The following NLRP4 variants were observed in gnomAD, a reference collection of about 807,000 sequenced individuals.
NLRP4 encodes the protein NLR family pyrin domain containing 4.
A neutral mutation model predicts 84.7 loss-of-function variants in NLRP4; 44 were observed. That is an observed-to-expected ratio of 0.52 (90% CI 0.41 to 0.67). NLRP4 has a LOEUF of 0.67. Among genes scored for constraint, NLRP4 ranks in the 30% least tolerant of loss-of-function variants. The pLI is 0.00. For synonymous variants in NLRP4, 544 were observed against 476.4 expected (o/e 1.14, Z -1.85); for missense variants, 1,260 against 1,219.4 (o/e 1.03, Z -0.50).
chr19:55,846,951 G>A (rs1983820991), intron 1 of NLRP4, among the ~76,000 whole-genome samples: 1 of 151,974 alleles, frequency 6.6e-6, no homozygotes, highest in Admixed American at 6.6e-5. Context: ...TTTTGAGACA[G>A]TCTTGTTCTG....
rs140826806 is a variant in NLRP4, at chr19:55,867,993, C to T, written c.2354+117C>T. 5.4e-4 allele frequency: 481 copies of T among 883,562 alleles called. 1 individual carries two copies. The highest frequency in any genetic ancestry group is 3.8e-3 in the African/African-American group (224 of 59,710). The allele number at this position is 883,562 out of a possible 1,614,324, so 54.7% of individuals were successfully genotyped here. A position where few individuals can be genotyped will look rare whatever the true frequency, so the allele number is the denominator to read the frequency against. On this transcript the variant is annotated intron_variant, in intron 6 of 9. Transcript: ENST00000301295. ...CACATAGCGGAGGTTTAAAAGCTCACGCTTAAGAATCAGAAAAGACTTGAG... is the reference window on the plus strand; with the variant it reads ...CACATAGCGGAGGTTTAAAAGCTCATGCTTAAGAATCAGAAAAGACTTGAG...
intron 7 of NLRP4, among the ~76,000 whole-genome samples, chr19:55,872,622 A>G (rs1042111637): frequency 6.6e-6 from 1 of 152,218 alleles, no homozygotes; most frequent in African/African-American, 2.4e-5. Flanking sequence ...AAAAATTAGT[A>G]AAATGGAAGA....
chr19:55,881,136 CGTGTGTGTGTGT>C (rs56806641), intron 9 of NLRP4, among the ~76,000 whole-genome samples: 3 of 139,584 alleles, frequency 2.1e-5, no homozygotes, highest in African/African-American at 5.3e-5. Flanking sequence ...GTGAGAGCCA[CGTGTGTGTGTGT>C]GTGTGTGTGT....
chr19:55,881,136 CGT>C (rs56806641), intron 9 of NLRP4, among the ~76,000 whole-genome samples: 5,013 of 139,326 alleles, frequency 0.036, 271 homozygotes, highest in African/African-American at 0.12. Flanking sequence ...GTGAGAGCCA[CGT>C]GTGTGTGTGT....
Position 55,837,607 on chromosome 19 carries a change from A to AACACACACCACACACACACACACAC in NLRP4, c.-66+681_-66+682insCACACACACACACACACACACACAC, listed in dbSNP as rs1555805877. ...GGTTGAATTGTGTCCCAACCCTAAAAACACACACACACACACAAAGTCCTA... is the reference window on the plus strand; with the variant it reads ...GGTTGAATTGTGTCCCAACCCTAAAAACACACACCACACACACACACACACACACACACACACACACAAAGTCCTA... On this transcript the variant is annotated intron_variant, in intron 1 of 9. Coordinates refer to ENST00000301295, the MANE Select transcript of NLRP4 (RefSeq NM_134444.5). Among the ~76,000 whole-genome samples the AACACACACCACACACACACACACAC allele has an allele frequency of 7.6e-3, 1,156 of 151,574 alleles. 15 individuals are homozygous for AACACACACCACACACACACACACAC. The highest frequency in any genetic ancestry group is 0.026 in the African/African-American group (1,082 of 41,344).
chr19:55,850,227 T>G (rs867219850), intron 1 of NLRP4, among the ~76,000 whole-genome samples: 88 of 133,088 alleles, frequency 6.6e-4, no homozygotes, highest in Middle Eastern at 3.9e-3. Context: ...GCGGTGTAAT[T>G]TCCGTGGCTG....
chr19:55,868,119 G>A (rs189163321), intron 6 of NLRP4, among the ~76,000 whole-genome samples: 1 of 152,366 alleles, frequency 6.6e-6, no homozygotes, highest in African/African-American at 2.4e-5. Flanking sequence ...TGGCTATCAA[G>A]TGAGACTGTC....
intron 8 of NLRP4, among the ~76,000 whole-genome samples, chr19:55,877,791 A>G (rs892669430): frequency 2.6e-5 from 4 of 152,048 alleles, no homozygotes; most frequent in Admixed American, 2.0e-4. Context: ...ATTTCCTCTT[A>G]TAAGAACACC....
chr19:55,859,943 A>AC (rs1568666200), intron 3 of NLRP4, among the ~76,000 whole-genome samples: 2 of 125,722 alleles, frequency 1.6e-5, no homozygotes, highest in African/African-American at 2.6e-5. Flanking sequence ...AAAAAAAAAA[A>AC]AAAAAAAAAC....
chr19:55,847,827 G>T (rs1432476537), intron 1 of NLRP4, among the ~76,000 whole-genome samples: 1 of 150,670 alleles, frequency 6.6e-6, no homozygotes, highest in Non-Finnish European at 1.5e-5. Flanking sequence ...TGACTCTCCT[G>T]CCTCAGCCTC....
At chr19:55,850,805 A>AGGCTGCGGTGTAC (rs1984081221) in intron 1 of NLRP4, among the ~76,000 whole-genome samples, 1 of 109,554 alleles carries the variant, frequency 9.1e-6, no homozygotes, top group Non-Finnish European at 1.7e-5. Flanking sequence ...CTGCGGTGTA[A>AGGCTGCGGTGTAC]TTTCCGAGGC....
chr19:55,838,599 A>G (rs1382802043), intron 1 of NLRP4, among the ~76,000 whole-genome samples: 2 of 152,140 alleles, frequency 1.3e-5, no homozygotes, highest in Non-Finnish European at 1.5e-5. Context: ...AAAGAAAAAA[A>G]TGATGTGATT....
In NLRP4 at chr19:55,859,241, C is replaced by T. The variant is rs891904402; in HGVS notation, c.1848C>T (p.His616=). The T allele has an allele frequency of 1.2e-6, 2 of 1,600,868 alleles. No homozygotes were observed. Among genetic ancestry groups the T allele is most frequent in the Admixed American group, 3.4e-5 (2 of 59,676 alleles). Residue 616 remains histidine (H), a synonymous_variant, in exon 3 of 10, where the codon CAC becomes CAT. Coordinates refer to ENST00000301295, the MANE Select transcript of NLRP4 (RefSeq NM_134444.5). ...ATGTCTTTAAGAAAGAGGATGAACA[C>T]AGCTCTACGTGAGTCCATCCTATGA... is the stretch of plus-strand genomic sequence containing the variant. ...VQNVFKKEDE[H]SSTSDYSLIC... is the part of the protein sequence containing the mutation.
intron 1 of NLRP4, among the ~76,000 whole-genome samples, chr19:55,841,882 G>A (rs1983626335): frequency 6.6e-6 from 1 of 151,968 alleles, no homozygotes; most frequent in Admixed American, 6.6e-5. Context: ...AAAAGGTGCT[G>A]CAATAGACAT....
At chr19:55,847,999 G>A (rs530384103) in intron 1 of NLRP4, among the ~76,000 whole-genome samples, 3 of 152,254 alleles carry the variant, frequency 2.0e-5, no homozygotes, top group African/African-American at 7.2e-5. Flanking sequence ...ACAGGCGTGA[G>A]CCACTGCACC....
chr19:55,849,810 A>G (rs113393290), intron 1 of NLRP4, among the ~76,000 whole-genome samples: 28,140 of 99,840 alleles, frequency 0.28, 3,871 homozygotes, highest in African/African-American at 0.55. Context: ...TGTAATTTCC[A>G]AAGCTGCGGT....
chr19:55,854,912 C>T (rs148306171), intron 2 of NLRP4, among the ~76,000 whole-genome samples: 3,155 of 152,226 alleles, frequency 0.021, 86 homozygotes, highest in African/African-American at 0.059. Context: ...TTAGTAGAGA[C>T]GGGATTTTGC....
intron 3 of NLRP4, among the ~76,000 whole-genome samples, chr19:55,860,528 G>C (rs1347721507): frequency 6.6e-6 from 1 of 152,158 alleles, no homozygotes; most frequent in East Asian, 1.9e-4. Flanking sequence ...ACTGCGGTGA[G>C]CCATGATCGT....
intron 5 of NLRP4, among the ~76,000 whole-genome samples, chr19:55,867,268 G>A (rs897755232): frequency 3.3e-5 from 5 of 150,754 alleles, no homozygotes; most frequent in Admixed American, 1.3e-4. Flanking sequence ...TGCGTCTCAG[G>A]TTGGCTGTCT....
Sources: gnomAD v4.1 joint callset for allele counts (sites outside exome capture counted in the v4.1 genomes callset) on GRCh38, gnomAD v4.1.1 for gene constraint, MANE v1.5 for transcripts, NCBI Gene and HGNC (gene_info 2026-07-23, HGNC 2026-07-21) for gene names.